PSMG2: variants seen among roughly 807,000 people sequenced by gnomAD.
PSMG2 encodes the protein proteasome assembly chaperone 2, also known as CD40 ligand-activated specific transcript 3.
Under a neutral mutation model 31.5 loss-of-function variants are expected in PSMG2, and 21 were observed. That is an observed-to-expected ratio of 0.67 (90% CI 0.47 to 0.96). The LOEUF (loss-of-function observed/expected upper bound fraction) is 0.96, where lower values mean the gene tolerates loss of function less well. Ranked by LOEUF, PSMG2 falls within the 40% of genes least tolerant of loss-of-function variation. The pLI is 0.00. For synonymous variants in PSMG2, 120 were observed against 110.4 expected (o/e 1.09, Z -0.54); for missense variants, 318 against 321.2 (o/e 0.99, Z 0.08).
In PSMG2 at chr18:12,720,627, C is replaced by G. The variant is rs758860221; in HGVS notation, c.525C>G (p.Ser175=). The G allele has an allele frequency of 6.2e-7, 1 of 1,613,786 alleles. No homozygotes were observed. Among genetic ancestry groups the G allele is most frequent in the Non-Finnish European group, 8.5e-7 (1 of 1,179,906 alleles). Residue 175 remains serine (S), a synonymous_variant, in exon 5 of 7, where the codon TCC becomes TCG. Coordinates refer to ENST00000317615, the MANE Select transcript of PSMG2 (RefSeq NM_020232.5). The stretch of plus-strand genomic sequence containing the variant: ...GGTGCATTCCTGAAATAGATGATTC[C>G]GAGTTTTGTATCCGCATTCCGGGAG... ...KSRCIPEIDD[S]EFCIRIPGGG...
At chr18:12,678,618 C>T (rs1032374438) in intron 1 of PSMG2, among the ~76,000 whole-genome samples, 1 of 151,908 alleles carries the variant, frequency 6.6e-6, no homozygotes, top group African/African-American at 2.4e-5. Context: ...TTGTATGGTA[C>T]GTCTTTACAA....
upstream of PSMG2, chr18:12,702,683 G>C: frequency 7.3e-6 from 7 of 963,190 alleles, no homozygotes; most frequent in South Asian, 3.5e-5. Flanking sequence ...CAGCTCCCGG[G>C]GGACGCAACG....
intron 1 of PSMG2, among the ~76,000 whole-genome samples, chr18:12,690,725 G>A (rs1403869978): frequency 1.3e-5 from 2 of 152,142 alleles, no homozygotes; most frequent in African/African-American, 4.8e-5. Context: ...CAAGTGCTGG[G>A]ATTACAGGCG....
upstream of PSMG2, chr18:12,702,779 C>A (rs1033599883): frequency 8.6e-6 from 5 of 582,408 alleles, no homozygotes; most frequent in South Asian, 4.3e-5. Flanking sequence ...ACAAACAGGG[C>A]TTGGGGCTGG....
chr18:12,702,960 C>G, upstream of PSMG2: 1 of 860,062 alleles, frequency 1.2e-6, no homozygotes, highest in Non-Finnish European at 1.7e-6. Context: ...CGGCAGTTAG[C>G]TGGACGGGCC....
At chr18:12,703,406 G>A (rs1356448826) in intron 1 of PSMG2, among the ~76,000 whole-genome samples, 3 of 152,240 alleles carry the variant, frequency 2.0e-5, no homozygotes, top group Admixed American at 6.5e-5. Context: ...TGTAAAACGT[G>A]ATGTGTTCGT....
At chr18:12,710,924 ACT>A (rs2040323694) in intron 2 of PSMG2, among the ~76,000 whole-genome samples, 1 of 151,780 alleles carries the variant, frequency 6.6e-6, no homozygotes, top group Non-Finnish European at 1.5e-5. Context: ...ACATGATGAA[ACT>A]CTGTCTCTAC....
At chr18:12,702,793 G>A (rs977823759), upstream of PSMG2, 3 of 567,488 alleles carry the variant, frequency 5.3e-6, no homozygotes, top group East Asian at 3.2e-5. Flanking sequence ...GGGCTGGCCC[G>A]CACGCTGCCT....
chr18:12,711,816 C>T (rs1197539085), intron 2 of PSMG2, among the ~76,000 whole-genome samples: 1 of 142,838 alleles, frequency 7.0e-6, no homozygotes, highest in African/African-American at 2.6e-5. Flanking sequence ...TGCAGTGGCG[C>T]GATCTCTGCT....
intron 3 of PSMG2, among the ~76,000 whole-genome samples, chr18:12,716,468 A>G (rs2040377404): frequency 2.1e-5 from 3 of 142,258 alleles, no homozygotes; most frequent in African/African-American, 8.0e-5. Context: ...ATCTCGGCTC[A>G]CTGCAAGCTC....
At chr18:12,703,217 C>T (rs2040217420) in intron 1 of PSMG2, 53 bp downstream of exon 1, 1 of 1,546,256 alleles carries the variant, frequency 6.5e-7, no homozygotes, top group Non-Finnish European at 8.8e-7. Flanking sequence ...CCTGCGGTGT[C>T]GCCACCCCGA....
rs543253434 is a variant in PSMG2 at position 12,668,734 on chromosome 18, CTT to C, written c.-37+9982_-37+9983del. 3.4e-3 allele frequency among the ~76,000 whole-genome samples: 326 copies of C among 96,704 alleles called. 2 individuals carry two copies. In the Admixed American group the frequency reaches 0.036, roughly 11 times the overall value. 63.4% of individuals were successfully genotyped at this position (96,704 alleles called of 152,430 possible). A position where few individuals can be genotyped will look rare whatever the true frequency, so the allele number is the denominator to read the frequency against. On this transcript the variant is annotated intron_variant, in intron 1 of 6. Coordinates refer to the PSMG2 transcript ENST00000585331. ...CTACCTAGCAAGATACACTTTATTC[CTT>C]TTTTTTTTTTTTTTTTTTTTGAGAC...
At chr18:12,708,138 T>A (rs2040288071) in intron 2 of PSMG2, among the ~76,000 whole-genome samples, 1 of 151,776 alleles carries the variant, frequency 6.6e-6, no homozygotes, top group Admixed American at 6.6e-5. Context: ...AAGAAAAAAA[T>A]TAGCCAACCT....
At chr18:12,702,978 C>G, upstream of PSMG2, 1 of 1,060,002 alleles carries the variant, frequency 9.4e-7, no homozygotes, top group Non-Finnish European at 1.3e-6. Context: ...GCCTCAAGGG[C>G]CCGGCGCCCA....
intron 1 of PSMG2, chr18:12,686,044 C>T (rs921771554): frequency 2.6e-5 from 11 of 418,124 alleles, no homozygotes; most frequent in African/African-American, 2.0e-4. Flanking sequence ...AACGTTGTTA[C>T]ACACCATTTT....
At chr18:12,717,295 TAA>T (rs1459143826) in intron 3 of PSMG2, among the ~76,000 whole-genome samples, 1 of 152,142 alleles carries the variant, frequency 6.6e-6, no homozygotes, top group Non-Finnish European at 1.5e-5. Context: ...CTTCTTATTT[TAA>T]AAGTTAGCCT....
chr18:12,680,324 A>G (rs573126701), intron 1 of PSMG2, among the ~76,000 whole-genome samples: 1 of 152,134 alleles, frequency 6.6e-6, no homozygotes, highest in South Asian at 2.1e-4. Flanking sequence ...AGCCGGACAC[A>G]GTGGCTCACG....
At chr18:12,703,242 C>A in intron 1 of PSMG2, 78 bp downstream of exon 1, 1 of 1,455,668 alleles carries the variant, frequency 6.9e-7, no homozygotes, top group African/African-American at 1.4e-5. Context: ...GGGTGTTTGG[C>A]GGTGCCTTGG....
At chr18:12,697,122 G>C (rs766391873) in intron 1 of PSMG2, 94 of 833,516 alleles carry the variant, frequency 1.1e-4, no homozygotes, top group Non-Finnish European at 1.7e-4. Flanking sequence ...TATTTTACAG[G>C]TTTCCCTCTT....
Sources: allele counts gnomAD v4.1 joint callset (sites outside exome capture counted in the v4.1 genomes callset), GRCh38; gene constraint gnomAD v4.1.1; transcripts MANE v1.5; gene names NCBI Gene and HGNC (gene_info 2026-07-23, HGNC 2026-07-21).